Variants in CNTRL observed in about 807,000 individuals in gnomAD.
CNTRL encodes 110 kDa centrosomal protein.
A neutral mutation model predicts 303.7 loss-of-function variants in CNTRL; 233 were observed. The ratio of observed to expected loss-of-function variants is 0.77; its 90% confidence interval spans 0.69 to 0.86. The LOEUF is 0.86. Among genes scored for constraint, CNTRL ranks in the 40% least tolerant of loss-of-function variants. The pLI is 0.00. For synonymous variants in CNTRL, 900 were observed against 922.2 expected (o/e 0.98, Z 0.44); for missense variants, 2,524 against 2,650.6 (o/e 0.95, Z 1.05).
intron 27 of CNTRL, among the ~76,000 whole-genome samples, chr9:121,157,162 A>G (rs768945045): frequency 3.9e-5 from 6 of 152,208 alleles, no homozygotes; most frequent in Non-Finnish European, 5.9e-5. Flanking sequence ...ACATAATATT[A>G]ACATTCTTCC....
At chr9:121,143,009 C>T (rs2051608741) in intron 19 of CNTRL, among the ~76,000 whole-genome samples, 1 of 152,122 alleles carries the variant, frequency 6.6e-6, no homozygotes, top group African/African-American at 2.4e-5. Context: ...TTTGGGCCAG[C>T]ACTTCCACTG....
chr9:121,106,287 C>T (rs919830195), intron 7 of CNTRL, among the ~76,000 whole-genome samples: 2 of 148,962 alleles, frequency 1.3e-5, no homozygotes, highest in Admixed American at 1.4e-4. Context: ...TGCAGTGAGC[C>T]GAGGTCATCC....
intron 40 of CNTRL, among the ~76,000 whole-genome samples, chr9:121,172,522 T>C (rs756081029): frequency 1.3e-5 from 2 of 152,122 alleles, no homozygotes; most frequent in Non-Finnish European, 2.9e-5. Context: ...ACACCTGTAG[T>C]CCCAGCTATT....
At chr9:121,094,484 C>T (rs1263839870) in intron 4 of CNTRL, among the ~76,000 whole-genome samples, 1 of 152,172 alleles carries the variant, frequency 6.6e-6, no homozygotes, top group South Asian at 2.1e-4. Flanking sequence ...AAGGTCTCGC[C>T]TCTCAGAACT....
chr9:121,139,740 G>T (rs771650147), intron 16 of CNTRL, among the ~76,000 whole-genome samples: 2 of 152,150 alleles, frequency 1.3e-5, no homozygotes, highest in African/African-American at 2.4e-5. Flanking sequence ...CTAAACAGTT[G>T]TCAACATTCA....
At chr9:121,121,074 C>A (rs953496619) in intron 12 of CNTRL, among the ~76,000 whole-genome samples, 2 of 152,086 alleles carry the variant, frequency 1.3e-5, no homozygotes, top group Non-Finnish European at 2.9e-5. Context: ...GCATATTTTT[C>A]TATAGATATA....
At chr9:121,127,846 C>T (rs1281520811) in intron 14 of CNTRL, among the ~76,000 whole-genome samples, 1 of 140,508 alleles carries the variant, frequency 7.1e-6, no homozygotes, top group Non-Finnish European at 1.5e-5. Context: ...GCCCTGTGTC[C>T]AAGTGTTCTC....
chr9:121,139,107 A>G (rs1043868554), intron 16 of CNTRL, among the ~76,000 whole-genome samples: 3 of 152,216 alleles, frequency 2.0e-5, no homozygotes, highest in African/African-American at 7.2e-5. Flanking sequence ...ATCTGTAAAT[A>G]GTTTTCACTA....
At chr9:121,117,795 T>C (rs945013947) in intron 11 of CNTRL, among the ~76,000 whole-genome samples, 1 of 151,992 alleles carries the variant, frequency 6.6e-6, no homozygotes, top group East Asian at 1.9e-4. Context: ...CTGGCTAACA[T>C]GGTGAAACCC....
At position 121,144,920 on chromosome 9, in the gene CNTRL, C is replaced by G. The variant is rs767577826; in HGVS notation, c.3129C>G (p.Ile1043Met). The G allele has an allele frequency of 2.5e-6, 4 of 1,613,498 alleles. No homozygotes were observed. The highest frequency in any genetic ancestry group is 1.3e-5 in the African/African-American group (1 of 75,016). ...ARDLTRAEAE[I>M]ELLQNLLRQK... ...ATCTCACCCGAGCAGAAGCTGAGAT[C>G]GAACTCCTGCAGAATCTCCTCAGGC... Residue 1043 changes from isoleucine to methionine, a missense_variant, in exon 21 of 44, where the codon ATC becomes ATG. Transcript: ENST00000373855.
intron 32 of CNTRL, 80 bp from the exon 33 acceptor site, chr9:121,161,776 G>A: frequency 9.5e-7 from 1 of 1,049,122 alleles, no homozygotes; most frequent in Non-Finnish European, 1.4e-6. Context: ...TTAGTCAATA[G>A]CATTGTTTTC....
chr9:121,116,142 A>C (rs2133230278), intron 11 of CNTRL, among the ~76,000 whole-genome samples: 1 of 152,306 alleles, frequency 6.6e-6, no homozygotes, highest in East Asian at 1.9e-4. Context: ...AAAGAGATAT[A>C]CTTTAGATTG....
intron 20 of CNTRL, 64 bp downstream of exon 20, chr9:121,144,146 T>G: frequency 7.3e-7 from 1 of 1,374,416 alleles, no homozygotes; most frequent in Non-Finnish European, 1.0e-6. Flanking sequence ...CATGGCAACT[T>G]GTATTATTGA....
chr9:121,127,039 C>T (rs951182676), intron 14 of CNTRL, among the ~76,000 whole-genome samples: 1 of 152,078 alleles, frequency 6.6e-6, no homozygotes, highest in African/African-American at 2.4e-5. Context: ...AGGCTGGTCT[C>T]GAACTCCCGA....
At chr9:121,115,664 G>A (rs960623286) in intron 11 of CNTRL, among the ~76,000 whole-genome samples, 1 of 152,146 alleles carries the variant, frequency 6.6e-6, no homozygotes, top group Non-Finnish European at 1.5e-5. Context: ...TAAAGTAAGC[G>A]AGTAAGCAGC....
chr9:121,128,963 T>A (rs1163904071), intron 14 of CNTRL, among the ~76,000 whole-genome samples: 1 of 152,236 alleles, frequency 6.6e-6, no homozygotes, highest in Non-Finnish European at 1.5e-5. Context: ...GTGGTGTTAT[T>A]TATTTCTGCA....
At chr9:121,117,865 G>A (rs1402148732) in intron 11 of CNTRL, among the ~76,000 whole-genome samples, 1 of 151,928 alleles carries the variant, frequency 6.6e-6, no homozygotes, top group African/African-American at 2.4e-5. Flanking sequence ...TATAGTCCCA[G>A]CTACTCGGGA....
Position 121,107,934 on chromosome 9 carries a change from C to T in CNTRL, c.941C>T (p.Ala314Val), listed in dbSNP as rs1300080440. 6.2e-7 allele frequency: 1 copy of T among 1,606,788 alleles called. No homozygotes were observed. The highest frequency in any genetic ancestry group is 1.1e-5 in the South Asian group (1 of 89,780). ...DKLNKSLKEE[A>V]MLQKQSCEEL... ...TTGAATAAATCATTAAAAGAGGAGG[C>T]CATGTTACAGAAACAGAGCTGTGAG... The change falls in exon 8 of 44, where the codon GCC becomes GTC. Residue 314 changes from alanine (A) to valine (V), a missense_variant. Transcript: ENST00000373855.
rs1186513717 is a variant in CNTRL at position 121,141,480 on chromosome 9, A to C, written c.2583A>C (p.Ala861=). ...GCTCCAAGTGGGAAAGAGATGAAGCACAAGTTAGAGAGAGAAAACTCCAAG... is the reference window on the plus strand; with the variant it reads ...GCTCCAAGTGGGAAAGAGATGAAGCCCAAGTTAGAGAGAGAAAACTCCAAG... ...LARSKWERDE[A]QVRERKLQEE... is the part of the protein sequence containing the mutation. The change falls in exon 18 of 44, where the codon GCA becomes GCC. Residue 861 remains alanine, a synonymous_variant. Coordinates refer to ENST00000373855, the MANE Select transcript of CNTRL (RefSeq NM_007018.6). The C allele has an allele frequency of 6.2e-7, 1 of 1,614,170 alleles. No homozygotes were observed. Among genetic ancestry groups the C allele is most frequent in the South Asian group, 1.1e-5 (1 of 91,090 alleles).
Sources: allele counts gnomAD v4.1 joint callset (sites outside exome capture counted in the v4.1 genomes callset), GRCh38; gene constraint gnomAD v4.1.1; transcripts MANE v1.5; gene names NCBI Gene and HGNC (gene_info 2026-07-23, HGNC 2026-07-21).